ANAPC1: variants seen among roughly 807,000 people sequenced by gnomAD.
ANAPC1 encodes anaphase-promoting complex subunit 1.
Under a neutral mutation model 208.0 loss-of-function variants are expected in ANAPC1, and 36 were observed. The observed-to-expected ratio is 0.17, with a 90% CI of 0.13 to 0.23. ANAPC1 has a LOEUF of 0.23. Among genes scored for constraint, ANAPC1 ranks in the 10% least tolerant of loss-of-function variants. The probability of loss-of-function intolerance (pLI) is 1.00; values close to 1 mark genes in which losing one functional copy is unlikely to be tolerated. For synonymous variants in ANAPC1, 378 were observed against 695.2 expected, an observed-to-expected ratio of 0.54 and a Z score of 7.18; for missense variants, 942 against 2,011.6, an observed-to-expected ratio of 0.47 and a Z score of 10.17.
At chr2:111,778,075 T>C (rs527761631) in intron 45 of ANAPC1, among the ~76,000 whole-genome samples, 3,066 of 152,134 alleles carry the variant, frequency 0.02, 8 homozygotes, top group African/African-American at 0.069. Context: ...AAAGATATGA[T>C]AATACTGAAA....
intron 21 of ANAPC1, among the ~76,000 whole-genome samples, chr2:111,829,763 A>G (rs552132859): frequency 6.6e-6 from 1 of 152,294 alleles, no homozygotes; most frequent in Admixed American, 6.5e-5. Context: ...GTAGCTATAG[A>G]CAAGCTGATT....
rs74602614 is a variant in ANAPC1, at chr2:111,824,946, G to A, written c.2812+20C>T. On this transcript the variant is annotated intron_variant, in intron 24 of 47. Coordinates refer to ENST00000341068, the MANE Select transcript of ANAPC1 (RefSeq NM_022662.4). The stretch of plus-strand genomic sequence containing the variant: ...TGGAGGAAGCACGGCCTAGTTAGGA[G>A]GTAACAAAGAAGCTCTCACCTACAT... The A allele has an allele frequency of 0.32, 516,176 of 1,612,760 alleles. 84,796 individuals carry two copies. Among genetic ancestry groups the A allele is most frequent in the Non-Finnish European group, 0.34 (396,589 of 1,178,986 alleles).
At chr2:111,823,078 T>C (rs1380425229) in intron 24 of ANAPC1, among the ~76,000 whole-genome samples, 5 of 142,454 alleles carry the variant, frequency 3.5e-5, no homozygotes, top group African/African-American at 5.3e-5. Context: ...GGCGCGATCT[T>C]GGCTCACTGC....
intron 2 of ANAPC1, among the ~76,000 whole-genome samples, chr2:111,880,112 G>A (rs1246096888): frequency 1.3e-5 from 2 of 152,074 alleles, no homozygotes; most frequent in African/African-American, 2.4e-5. Flanking sequence ...AGTGGCTCAC[G>A]CCTGTAAACG....
intron 6 of ANAPC1, among the ~76,000 whole-genome samples, chr2:111,872,215 A>G (rs1250545631): frequency 1.3e-5 from 2 of 152,118 alleles, no homozygotes; most frequent in Non-Finnish European, 2.9e-5. Context: ...ATTTTATCCA[A>G]TGCTTTTTTC....
chr2:111,872,706 T>C lies in ANAPC1; in HGVS notation c.535A>G (p.Asn179Asp). 1 of 1,612,572 alleles carries C rather than the reference T, an allele frequency of 6.2e-7. No individual in the cohort carries two copies. The highest frequency in any genetic ancestry group is 8.5e-7 in the Non-Finnish European group (1 of 1,178,762). ...AATCCATATTTAGTGGGCCAAACAT[T>C]TGCAACCTTTCAGGTAAAAGGGTGG... Reference protein sequence around the residue: ...YIASLPFQVANVWPTKYGLLF... With the variant: ...YIASLPFQVADVWPTKYGLLF... Residue 179 changes from asparagine to aspartate, a missense_variant, in exon 6 of 48, where the codon AAT (asparagine) becomes GAT (aspartate). Coordinates refer to ENST00000341068, the MANE Select transcript of ANAPC1 (RefSeq NM_022662.4).
chr2:111,833,837 C>G (rs968600302), intron 19 of ANAPC1, among the ~76,000 whole-genome samples: 4 of 152,026 alleles, frequency 2.6e-5, no homozygotes, highest in Non-Finnish European at 5.9e-5. Context: ...ACTGCCATGT[C>G]TCAGGATTGA....
At chr2:111,840,226 C>G (rs555764941) in intron 17 of ANAPC1, among the ~76,000 whole-genome samples, 4 of 151,978 alleles carry the variant, frequency 2.6e-5, no homozygotes, top group Admixed American at 2.0e-4. Flanking sequence ...AATTGTGTAA[C>G]GAGTCATTGG....
intron 13 of ANAPC1, among the ~76,000 whole-genome samples, chr2:111,851,389 G>A (rs1681387343): frequency 6.7e-6 from 1 of 148,572 alleles, no homozygotes; most frequent in Non-Finnish European, 1.5e-5. Context: ...TCTCTTGGTT[G>A]GATTCCTTCT....
At chr2:111,878,685 T>C in intron 3 of ANAPC1, 125 bp downstream of exon 3, 1 of 1,316,694 alleles carries the variant, frequency 7.6e-7, no homozygotes, top group Non-Finnish European at 1.0e-6. Flanking sequence ...TATGTCATGT[T>C]ACAACGTACA....
At chr2:111,828,699 A>G (rs1041980876) in intron 21 of ANAPC1, among the ~76,000 whole-genome samples, 3 of 152,234 alleles carry the variant, frequency 2.0e-5, no homozygotes, top group African/African-American at 7.2e-5. Context: ...AGACACAGAG[A>G]GATAAATATT....
chr2:111,857,399 A>C (rs1465609744), intron 11 of ANAPC1, among the ~76,000 whole-genome samples: 1 of 152,254 alleles, frequency 6.6e-6, no homozygotes, highest in Non-Finnish European at 1.5e-5. Flanking sequence ...AAAAGATCTG[A>C]ATAGCTATTT....
At chr2:111,832,937 C>CAA (rs908553180) in intron 20 of ANAPC1, among the ~76,000 whole-genome samples, 623 of 53,578 alleles carry the variant, frequency 0.012, 28 homozygotes, top group East Asian at 0.084. Context: ...GACTCAGTCT[C>CAA]AAAAAAAAAA....
chr2:111,848,809 G>A (rs1352137120), intron 14 of ANAPC1, among the ~76,000 whole-genome samples: 1 of 151,638 alleles, frequency 6.6e-6, no homozygotes, highest in African/African-American at 2.4e-5. Context: ...TGTGATTTGA[G>A]GCAGCTGAGG....
rs1275271264 is a variant in ANAPC1 at position 111,872,683 on chromosome 2, T to A, written c.558A>T (p.Gly186=). 6.2e-7 allele frequency: 1 copy of A among 1,613,582 alleles called. No homozygotes were observed. Residue 186 remains glycine, a synonymous_variant, in exon 6 of 48, where the codon GGA becomes GGT. Transcript: ENST00000341068. ...QVANVWPTKY[G]LLFERSASSH... ...AAGAAGCGCTTCGTTCAAACAGCAA[T>A]CCATATTTAGTGGGCCAAACATTTG...
chr2:111,850,569 T>G (rs1481142651), intron 14 of ANAPC1, among the ~76,000 whole-genome samples: 1 of 150,914 alleles, frequency 6.6e-6, no homozygotes, highest in East Asian at 1.9e-4. Flanking sequence ...TGGAAAAGAA[T>G]GTATCATTTC....
chr2:111,848,027 A>G (rs1040875506), intron 14 of ANAPC1, among the ~76,000 whole-genome samples, 162 bp from the exon 15 acceptor site: 1 of 151,914 alleles, frequency 6.6e-6, no homozygotes, highest in Non-Finnish European at 1.5e-5. Context: ...ACACCTGTAT[A>G]GTCCCAGCTA....
At chr2:111,840,173 G>A (rs1283654631) in intron 17 of ANAPC1, among the ~76,000 whole-genome samples, 1 of 150,076 alleles carries the variant, frequency 6.7e-6, no homozygotes, top group Non-Finnish European at 1.5e-5. Context: ...GTGCACTCAT[G>A]TAACACATCA....
At chr2:111,874,807 T>C (rs764494830) in intron 3 of ANAPC1, among the ~76,000 whole-genome samples, 2 of 152,202 alleles carry the variant, frequency 1.3e-5, no homozygotes, top group African/African-American at 4.8e-5. Flanking sequence ...TGGATCATAA[T>C]GGTAATTCTA....
Sources: gnomAD v4.1 joint callset for allele counts (sites outside exome capture counted in the v4.1 genomes callset) on GRCh38, gnomAD v4.1.1 for gene constraint, MANE v1.5 for transcripts, NCBI Gene and HGNC (gene_info 2026-07-23, HGNC 2026-07-21) for gene names.